The following NELFE variants were observed in gnomAD, a reference collection of about 807,000 sequenced individuals.
The protein encoded by NELFE is negative elongation factor E.
Under a neutral mutation model 55.5 loss-of-function variants are expected in NELFE, and 26 were observed. The observed-to-expected ratio is 0.47, with a 90% CI of 0.34 to 0.65. The LOEUF (loss-of-function observed/expected upper bound fraction) is 0.65, where lower values mean the gene tolerates loss of function less well. Ranked by LOEUF, NELFE falls within the 30% of genes least tolerant of loss-of-function variation. The pLI is 0.01. For missense variants in NELFE, 403 were observed against 506.9 expected, an observed-to-expected ratio of 0.80 and a Z score of 1.97; for synonymous variants, 162 against 178.0, an observed-to-expected ratio of 0.91 and a Z score of 0.72.
In NELFE at chr6:31,956,936, C is replaced by G; in HGVS notation, c.145+5G>C. 1 of 1,611,690 alleles carries G rather than the reference C, an allele frequency of 6.2e-7. No individual in the cohort carries two copies. Among genetic ancestry groups the G allele is most frequent in the Non-Finnish European group, 8.5e-7 (1 of 1,178,828 alleles). ...CAGTCCATCCCCATTTCCCCTGTCA[C>G]TCACAGCGTTTGACACCACCTTGGC... On this transcript the variant is annotated splice_donor_5th_base_variant and intron_variant, in intron 3 of 10. Coordinates refer to ENST00000375429, the MANE Select transcript of NELFE (RefSeq NM_002904.6).
chr6:31,958,676 G>T, intron 1 of NELFE: 1 of 703,254 alleles, frequency 1.4e-6, no homozygotes, highest in Non-Finnish European at 2.6e-6. Flanking sequence ...AGCACCTTTA[G>T]GTACCATGTG....
intron 10 of NELFE, among the ~76,000 whole-genome samples, chr6:31,953,369 A>G (rs1382737939): frequency 1.3e-5 from 2 of 151,960 alleles, no homozygotes; most frequent in African/African-American, 2.4e-5. Context: ...GACTTAATCT[A>G]TGTTTTCCTT....
Position 31,954,355 on chromosome 6 carries a change from C to T in NELFE, c.830G>A (p.Arg277His), listed in dbSNP as rs1308688060. ...YGEDMTPTLL[R>H]GAFSPFGNII... ...GTTTCCAAAAGGAGAGAAGGCCCCA[C>T]GGAGAAGGGTGGGTGTCATGTCTTC... Residue 277 changes from arginine (R) to histidine (H), a missense_variant, in exon 8 of 11, where the codon CGT becomes CAT. Transcript: ENST00000375429. The surrounding 1 kb of genome is among the most constrained non-coding windows in gnomAD (Gnocchi z 5.5). The T allele has an allele frequency of 8.7e-6, 14 of 1,613,600 alleles. No homozygotes were observed. The highest frequency in any genetic ancestry group is 2.7e-5 in the African/African-American group (2 of 74,882).
chr6:31,952,861 TC>T (rs1425534233), intron 10 of NELFE, among the ~76,000 whole-genome samples: 2 of 152,228 alleles, frequency 1.3e-5, no homozygotes, highest in Non-Finnish European at 2.9e-5. Context: ...TGCTACTAGC[TC>T]CACCAGAACT....
chr6:31,953,825 C>T lies in NELFE; in HGVS notation c.949G>A (p.Gly317Arg). ...SADQAVAELN[G>R]TQVESVQLKV... Reference sequence around the variant, plus strand: ...AGCTGTACAGACTCCACCTGGGTCCCGTTGAGCTGAAGCAGAAGAGGGGAG... The same window carrying T: ...AGCTGTACAGACTCCACCTGGGTCCTGTTGAGCTGAAGCAGAAGAGGGGAG... The change falls in exon 10 of 11, where the codon GGG becomes AGG. Residue 317 changes from glycine (G) to arginine (R), a missense_variant. This residue lies in a region of NELFE where 77 missense variants were observed against 123.3 expected (regional missense o/e 0.62). Coordinates refer to ENST00000375429, the MANE Select transcript of NELFE (RefSeq NM_002904.6). 4.3e-6 allele frequency: 7 copies of T among 1,612,874 alleles called. No individual in the cohort carries two copies. The highest frequency in any genetic ancestry group is 2.2e-5 in the East Asian group (1 of 44,882).
chr6:31,958,735 G>A lies in NELFE; in HGVS notation c.-9+157C>T, dbSNP rs531201151. On this transcript the variant is annotated intron_variant, in intron 1 of 10. Transcript: ENST00000375429. ...CTCCGTCGGAAAGACGATGGCACCC[G>A]ACCCCCCTACCCTCGCTAGGGTAAG... 441 of 701,994 alleles carry A rather than the reference G, an allele frequency of 6.3e-4. 6 individuals carry two copies. Among genetic ancestry groups the A allele is most frequent in the South Asian group, 6.2e-3 (420 of 67,568 alleles). 43.5% of individuals were successfully genotyped at this position (701,994 alleles called of 1,614,324 possible).
chr6:31,955,422 A>G (rs886959645), intron 4 of NELFE, 129 bp from the exon 5 acceptor site: 5 of 537,092 alleles, frequency 9.3e-6, no homozygotes, highest in African/African-American at 8.4e-5. Context: ...TTCTACATAC[A>G]TTTCTTATTT....
At position 31,954,341 on chromosome 6, in the gene NELFE, G is replaced by C; in HGVS notation, c.844C>G (p.Pro282Ala). ...TPTLLRGAFS[P>A]FGNIIDLSMD... is the part of the protein sequence containing the mutation. Reference sequence around the variant, plus strand: ...GAGAGGTCAATGATGTTTCCAAAAGGAGAGAAGGCCCCACGGAGAAGGGTG... The same window carrying C: ...GAGAGGTCAATGATGTTTCCAAAAGCAGAGAAGGCCCCACGGAGAAGGGTG... Residue 282 changes from proline (P) to alanine (A), a missense_variant, in exon 8 of 11, where the codon CCT (proline) becomes GCT (alanine). Coordinates refer to ENST00000375429, the MANE Select transcript of NELFE (RefSeq NM_002904.6). This position sits in a 1 kb window ranked among gnomAD's most constrained non-coding sequence, Gnocchi z 5.5. 1 of 1,613,616 alleles carries C rather than the reference G, an allele frequency of 6.2e-7. No individual in the cohort carries two copies. Among genetic ancestry groups the C allele is most frequent in the Non-Finnish European group, 8.5e-7 (1 of 1,179,800 alleles).
In NELFE at chr6:31,954,873, G is replaced by A. The variant is rs771822728; in HGVS notation, c.424C>T (p.Arg142Ter). The change falls in exon 7 of 11, where the codon CGA becomes TGA. Residue 142 changes from arginine to a stop codon, truncating the protein, a stop_gained. Coordinates refer to ENST00000375429, the MANE Select transcript of NELFE (RefSeq NM_002904.6). LOFTEE classifies it high-confidence loss of function. The surrounding 1 kb of genome is among the most constrained non-coding windows in gnomAD (Gnocchi z 5.5). ...LYESFVSSSD[R>*]LRELGPDGEE... ...CCATCTGGTCCTAGTTCTCGAAGTC[G>A]ATCACTAGAAGACACAAAGCTGGGG... is the stretch of plus-strand genomic sequence containing the variant. 6 of 1,565,794 alleles carry A rather than the reference G, an allele frequency of 3.8e-6. No individual in the cohort carries two copies. The highest frequency in any genetic ancestry group is 1.8e-5 in the Admixed American group (1 of 55,322).
Position 31,958,405 on chromosome 6 carries a change from A to G in NELFE, c.42T>C (p.Ala14=). The change falls in exon 2 of 11, where the codon GCT becomes GCC. Residue 14 remains alanine (A), a synonymous_variant. Transcript: ENST00000375429. ...TGAGCTTGTTGAATTTCTTCTGCAGAGCCTCCTCTTCCTCGCTCAGTCCGG... is the reference window on the plus strand; with the variant it reads ...TGAGCTTGTTGAATTTCTTCTGCAGGGCCTCCTCTTCCTCGCTCAGTCCGG... ...IPPGLSEEEE[A]LQKKFNKLKK... 1 of 1,613,070 alleles carries G rather than the reference A, an allele frequency of 6.2e-7. No homozygotes were observed. The highest frequency in any genetic ancestry group is 8.5e-7 in the Non-Finnish European group (1 of 1,180,026).
intron 2 of NELFE, chr6:31,957,398 G>A (rs1029084228): frequency 8.1e-6 from 4 of 494,232 alleles, no homozygotes; most frequent in Non-Finnish European, 1.6e-5. Context: ...ATATCCAGGA[G>A]GCTAATGCAT....
chr6:31,957,312 A>T, intron 2 of NELFE: 3 of 608,110 alleles, frequency 4.9e-6, no homozygotes, highest in Non-Finnish European at 9.1e-6. Context: ...GTATAAGTTT[A>T]TGTGCCTTTC....
At chr6:31,952,825 G>T (rs1414373740) in intron 10 of NELFE, among the ~76,000 whole-genome samples, 1 of 152,160 alleles carries the variant, frequency 6.6e-6, no homozygotes, top group East Asian at 1.9e-4. Context: ...TACTTTCAGG[G>T]AAAATGGATT....
Position 31,952,287 on chromosome 6 carries a change from T to A in NELFE, c.*14A>T. 6.2e-7 allele frequency: 1 copy of A among 1,604,822 alleles called. No individual in the cohort carries two copies. On this transcript the variant is annotated 3_prime_UTR_variant, in exon 11 of 11. Coordinates refer to ENST00000375429, the MANE Select transcript of NELFE (RefSeq NM_002904.6). ...ATTGGGGCATATGAGGCACAAGGAA[T>A]CCAGCTCTGTTCCCTAGAAGCCATC...
rs753074425 is a variant in NELFE at position 31,952,292 on chromosome 6, C to T, written c.*9G>A. On this transcript the variant is annotated 3_prime_UTR_variant, in exon 11 of 11. Transcript: ENST00000375429. ...GGCATATGAGGCACAAGGAATCCAGCTCTGTTCCCTAGAAGCCATCCACAA... is the reference window on the plus strand; with the variant it reads ...GGCATATGAGGCACAAGGAATCCAGTTCTGTTCCCTAGAAGCCATCCACAA... The T allele has an allele frequency of 7.5e-6, 12 of 1,608,950 alleles. No individual in the cohort carries two copies. The highest frequency in any genetic ancestry group is 1.0e-5 in the Non-Finnish European group (12 of 1,175,750).
Position 31,954,488 on chromosome 6 carries a change from T to C in NELFE, c.743-46A>G, listed in dbSNP as rs1438782997. 1.3e-6 allele frequency: 2 copies of C among 1,579,308 alleles called. No homozygotes were observed. Among genetic ancestry groups the C allele is most frequent in the Non-Finnish European group, 1.7e-6 (2 of 1,160,028 alleles). The stretch of plus-strand genomic sequence containing the variant: ...GTCACAAGACATAGACCATGCCACA[T>C]TTCACTTAGTAGGACCCACATAAAC... On this transcript the variant is annotated intron_variant, in intron 7 of 10. Transcript: ENST00000375429. The surrounding 1 kb of genome is among the most constrained non-coding windows in gnomAD (Gnocchi z 5.5).
chr6:31,955,253 T>C lies in NELFE; in HGVS notation c.332A>G (p.Gln111Arg), dbSNP rs1267958794. The C allele has an allele frequency of 6.2e-7, 1 of 1,600,704 alleles. No individual in the cohort carries two copies. The highest frequency in any genetic ancestry group is 8.5e-7 in the Non-Finnish European group (1 of 1,174,056). ...KGPVPTFQPF[Q>R]RSISADDDLQ... ...GTCATCATCAGCAGATATGCTCCTC[T>C]GGAACGGCTGGAAAGTGGGGACTGG... The change falls in exon 5 of 11, where the codon CAG (glutamine) becomes CGG (arginine). Residue 111 changes from glutamine (Q) to arginine (R), a missense_variant. By Grantham distance (43) the Gln-to-Arg change is conservative (BLOSUM62 1). Coordinates refer to ENST00000375429, the MANE Select transcript of NELFE (RefSeq NM_002904.6).
intron 4 of NELFE, 54 bp from the exon 5 acceptor site, chr6:31,955,347 G>T: frequency 4.5e-6 from 6 of 1,343,868 alleles, no homozygotes; most frequent in Non-Finnish European, 6.1e-6. Context: ...CCCAACCATG[G>T]ACCAGAGGTG....
At position 31,958,920 on chromosome 6, in the gene NELFE, G is replaced by A. The variant is rs886061298; in HGVS notation, c.-37C>T. The A allele has an allele frequency of 1.5e-4, 87 of 593,552 alleles. No individual in the cohort carries two copies. The highest frequency in any genetic ancestry group is 5.0e-4 in the Admixed American group (16 of 32,096). The allele number at this position is 593,552 out of a possible 1,614,324, so 36.8% of individuals were successfully genotyped here. A position where few individuals can be genotyped will look rare whatever the true frequency, so the allele number is the denominator to read the frequency against. Reference sequence around the variant, plus strand: ...AGGGGGCGGCAACCGGGGGCCCCACGGTCTCCGGCCGCGCCCGCGCTGGCC... The same window carrying A: ...AGGGGGCGGCAACCGGGGGCCCCACAGTCTCCGGCCGCGCCCGCGCTGGCC... On this transcript the variant is annotated 5_prime_UTR_variant, in exon 1 of 11. Transcript: ENST00000375429.
Sources: gnomAD v4.1 joint callset for allele counts (sites outside exome capture counted in the v4.1 genomes callset) on GRCh38, gnomAD v4.1.1 for gene constraint, gnomAD v4.1.1 regional missense constraint, Gnocchi (gnomAD v3.1) non-coding constraint, MANE v1.5 for transcripts, NCBI Gene and HGNC (gene_info 2026-07-23, HGNC 2026-07-21) for gene names.